Variants in EBF1 observed in about 807,000 individuals in gnomAD.
The protein encoded by EBF1 is EBF transcription factor 1.
EBF1 carries 10 observed loss-of-function variants against 68.4 expected under a neutral mutation model. That is an observed-to-expected ratio of 0.15 (90% CI 0.09 to 0.25). The LOEUF (loss-of-function observed/expected upper bound fraction) is 0.25, where lower values mean the gene tolerates loss of function less well. EBF1 is among the 10% of genes least tolerant of loss of function. EBF1 has a pLI of 1.00. For synonymous variants in EBF1, 298 were observed against 299.8 expected, an observed-to-expected ratio of 0.99 and a Z score of 0.06; for missense variants, 509 against 794.4, an observed-to-expected ratio of 0.64 and a Z score of 4.32.
At chr5:158,753,013 A>G (rs1769263009) in intron 10 of EBF1, among the ~76,000 whole-genome samples, 1 of 152,124 alleles carries the variant, frequency 6.6e-6, no homozygotes, top group Non-Finnish European at 1.5e-5. Context: ...TATGAACTAG[A>G]GTTTGTTTTC....
In EBF1 at chr5:158,698,175, G is replaced by A. The variant is rs1341319834; in HGVS notation, c.*936C>T. 5.0e-5 allele frequency: 11 copies of A among 220,752 alleles called. No individual in the cohort carries two copies. The highest frequency in any genetic ancestry group is 1.3e-3 in the Middle Eastern group (1 of 748). The allele number at this position is 220,752 out of a possible 1,614,324, so 13.7% of individuals were successfully genotyped here. A position where few individuals can be genotyped will look rare whatever the true frequency, so the allele number is the denominator to read the frequency against. ...TAAACTTGCAAATGGGGGAGCGTAC[G>A]TGAGGTTTTGGCTTGTTAACTGGAG... On this transcript the variant is annotated 3_prime_UTR_variant, in exon 16 of 16. Coordinates refer to ENST00000313708, the MANE Select transcript of EBF1 (RefSeq NM_024007.5).
intron 6 of EBF1, among the ~76,000 whole-genome samples, chr5:158,941,413 A>T (rs895279666): frequency 7.2e-5 from 11 of 152,212 alleles, no homozygotes; most frequent in Non-Finnish European, 1.5e-5. Flanking sequence ...CAAGTTTCGA[A>T]GGAAGATATT....
chr5:158,770,195 T>C (rs527920812), intron 10 of EBF1, among the ~76,000 whole-genome samples: 1 of 152,006 alleles, frequency 6.6e-6, no homozygotes, highest in South Asian at 2.1e-4. Flanking sequence ...GAGACAAAAA[T>C]CTAGCAGCTT....
chr5:159,024,432 T>C (rs1223044469), intron 6 of EBF1, among the ~76,000 whole-genome samples: 2 of 152,192 alleles, frequency 1.3e-5, no homozygotes, highest in African/African-American at 4.8e-5. Flanking sequence ...GGAAAGCCCT[T>C]GACAGTCCTA....
At chr5:158,998,303 TCG>T (rs1209902276) in intron 6 of EBF1, among the ~76,000 whole-genome samples, 3 of 152,146 alleles carry the variant, frequency 2.0e-5, no homozygotes, top group African/African-American at 7.2e-5. Context: ...TGCAACCTCC[TCG>T]ACAAGGCTTT....
chr5:158,880,720 T>C (rs184301835), intron 6 of EBF1, among the ~76,000 whole-genome samples: 2 of 152,306 alleles, frequency 1.3e-5, no homozygotes, highest in Admixed American at 6.5e-5. Flanking sequence ...TTCGGTTCAG[T>C]TGTGCACATT....
chr5:158,907,078 A>G (rs573941144), intron 6 of EBF1, among the ~76,000 whole-genome samples: 1 of 152,362 alleles, frequency 6.6e-6, no homozygotes, highest in Admixed American at 6.5e-5. Context: ...AAACCAGGAA[A>G]GTCCCCAGGC....
chr5:158,704,777 G>C (rs562149551), intron 15 of EBF1, among the ~76,000 whole-genome samples: 8 of 152,298 alleles, frequency 5.3e-5, no homozygotes, highest in African/African-American at 1.9e-4. Context: ...TCTTTGCCCT[G>C]CTGGAGATTG....
intron 10 of EBF1, among the ~76,000 whole-genome samples, chr5:158,775,993 C>T (rs947687549): frequency 1.3e-5 from 2 of 152,152 alleles, no homozygotes; most frequent in Non-Finnish European, 2.9e-5. Flanking sequence ...GCTTTCTCTA[C>T]GCTTCGTTTG....
intron 6 of EBF1, among the ~76,000 whole-genome samples, chr5:158,941,056 G>C (rs2127470904): frequency 6.6e-6 from 1 of 152,190 alleles, no homozygotes; most frequent in Non-Finnish European, 1.5e-5. Flanking sequence ...TTAGCCTCAA[G>C]AAAAGACAAA....
chr5:158,765,934 G>A (rs1772558765), intron 10 of EBF1, among the ~76,000 whole-genome samples: 1 of 152,162 alleles, frequency 6.6e-6, no homozygotes, highest in East Asian at 1.9e-4. Context: ...ATATCAGCAT[G>A]CTGAACTATA....
chr5:158,821,900 G>A (rs1268667869), intron 8 of EBF1, among the ~76,000 whole-genome samples: 1 of 152,208 alleles, frequency 6.6e-6, no homozygotes, highest in Non-Finnish European at 1.5e-5. Flanking sequence ...TGGATGTGGT[G>A]AAGAATCCCT....
intron 6 of EBF1, among the ~76,000 whole-genome samples, chr5:158,851,060 T>A (rs1276883147): frequency 6.6e-6 from 1 of 151,898 alleles, no homozygotes; most frequent in Non-Finnish European, 1.5e-5. Flanking sequence ...CCATCCTCTC[T>A]TATCCCAGCA....
chr5:158,942,677 G>A (rs1001396243), intron 6 of EBF1, among the ~76,000 whole-genome samples: 2 of 152,032 alleles, frequency 1.3e-5, no homozygotes, highest in Non-Finnish European at 2.9e-5. Context: ...TACTAAAGTG[G>A]TCTTTAAGAA....
rs150853721 is a variant in EBF1, at chr5:158,740,814, T to G, written c.1037-9657A>C. On this transcript the variant is annotated intron_variant, in intron 10 of 15. Coordinates refer to ENST00000313708, the MANE Select transcript of EBF1 (RefSeq NM_024007.5). ...CTAAGAAGTCTCCTCCCCCTGACTATTATACTCTAGAACACTTTTAACACA... is the reference window on the plus strand; with the variant it reads ...CTAAGAAGTCTCCTCCCCCTGACTAGTATACTCTAGAACACTTTTAACACA... Among the ~76,000 whole-genome samples the G allele has an allele frequency of 8.7e-3, 1,328 of 152,308 alleles. 23 individuals are homozygous for G. Among genetic ancestry groups the G allele is most frequent in the African/African-American group, 0.029 (1,221 of 41,560 alleles).
At chr5:159,070,986 G>T (rs560770367) in intron 6 of EBF1, among the ~76,000 whole-genome samples, 1 of 152,124 alleles carries the variant, frequency 6.6e-6, no homozygotes. Flanking sequence ...CAATTTTATG[G>T]AATTGAAAAA....
At chr5:158,945,779 C>A (rs1021707514) in intron 6 of EBF1, among the ~76,000 whole-genome samples, 1 of 152,158 alleles carries the variant, frequency 6.6e-6, no homozygotes, top group African/African-American at 2.4e-5. Flanking sequence ...TGGATGATTT[C>A]CAACTTGGTT....
In EBF1 at chr5:158,829,760, G is replaced by A. The variant is rs190362552; in HGVS notation, c.637-6443C>T. On this transcript the variant is annotated intron_variant, in intron 7 of 15. Transcript: ENST00000313708. ...GAACTACTTTGCAGACTCGTCAAATGTTAGAGTCACAAGAGACTCCAGAGA... is the reference window on the plus strand; with the variant it reads ...GAACTACTTTGCAGACTCGTCAAATATTAGAGTCACAAGAGACTCCAGAGA... 5.3e-5 allele frequency among the ~76,000 whole-genome samples: 8 copies of A among 152,216 alleles called. No individual in the cohort carries two copies. The South Asian group carries it at 8.3e-4, about 16-fold the overall frequency.
chr5:158,774,310 C>T lies in EBF1; in HGVS notation c.1036+3103G>A, dbSNP rs565335979. 5.3e-5 allele frequency among the ~76,000 whole-genome samples: 8 copies of T among 152,100 alleles called. No individual in the cohort carries two copies. In the South Asian group the frequency reaches 1.0e-3, roughly 20 times the overall value. On this transcript the variant is annotated intron_variant, in intron 10 of 15. Transcript: ENST00000313708. ...GATTCTTCCCTCCCCAAAAGGTCTGCCTTTATTAGTATAGATTAGGCCATG... is the reference window on the plus strand; with the variant it reads ...GATTCTTCCCTCCCCAAAAGGTCTGTCTTTATTAGTATAGATTAGGCCATG...
Sources: gnomAD v4.1 joint callset for allele counts (sites outside exome capture counted in the v4.1 genomes callset) on GRCh38, gnomAD v4.1.1 for gene constraint, MANE v1.5 for transcripts, NCBI Gene and HGNC (gene_info 2026-07-23, HGNC 2026-07-21) for gene names.